TMEM63C: variants seen among roughly 807,000 people sequenced by gnomAD.
TMEM63C encodes osmosensitive cation channel TMEM63C.
TMEM63C carries 32 observed loss-of-function variants against 99.2 expected under a neutral mutation model. The ratio of observed to expected loss-of-function variants is 0.32; its 90% confidence interval spans 0.24 to 0.43. TMEM63C has a LOEUF of 0.43. Among genes scored for constraint, TMEM63C ranks in the 20% least tolerant of loss-of-function variants. The pLI is 1.00. For synonymous variants in TMEM63C, 376 were observed against 397.9 expected, an observed-to-expected ratio of 0.94 and a Z score of 0.66; for missense variants, 826 against 1,053.0, an observed-to-expected ratio of 0.78 and a Z score of 2.98.
At chr14:77,246,522 G>C in intron 17 of TMEM63C, 87 bp from the exon 18 acceptor site, 1 of 1,149,776 alleles carries the variant, frequency 8.7e-7, no homozygotes, top group Non-Finnish European at 1.3e-6. Flanking sequence ...GTCTTTCTTT[G>C]GAGATTGGGC....
At position 77,248,497 on chromosome 14, in the gene TMEM63C, C is replaced by T. The variant is rs751209982; in HGVS notation, c.1752C>T (p.Val584=). The change falls in exon 19 of 24, where the codon GTC becomes GTT. Residue 584 remains valine (V), a synonymous_variant. Coordinates refer to ENST00000298351, the MANE Select transcript of TMEM63C (RefSeq NM_020431.4). The part of the protein sequence containing the change: ...LFFSRSEPER[V]NIRKNQAIDF... ...TCTCTAGATCAGAGCCAGAGAGAGT[C>T]AACATCAGAAAGGTACAGACTGGCT... The T allele has an allele frequency of 6.3e-7, 1 of 1,586,310 alleles. No individual in the cohort carries two copies. The highest frequency in any genetic ancestry group is 8.6e-7 in the Non-Finnish European group (1 of 1,166,390).
In TMEM63C at chr14:77,256,824, T is replaced by A; in HGVS notation, c.*98T>A. The A allele has an allele frequency of 1.7e-6, 2 of 1,168,576 alleles. No individual in the cohort carries two copies. The highest frequency in any genetic ancestry group is 1.5e-5 in the African/African-American group (1 of 65,326). 72.4% of individuals were successfully genotyped at this position (1,168,576 alleles called of 1,614,324 possible). A position where few individuals can be genotyped will look rare whatever the true frequency, so the allele number is the denominator to read the frequency against. Reference sequence around the variant, plus strand: ...TGGCCTGGACCTCCCCACTACCTCCTGCAGACTTTGAGAAGCCCACAGTGG... The same window carrying A: ...TGGCCTGGACCTCCCCACTACCTCCAGCAGACTTTGAGAAGCCCACAGTGG... On this transcript the variant is annotated 3_prime_UTR_variant, in exon 24 of 24. Transcript: ENST00000298351.
chr14:77,228,086 C>T (rs147403049), intron 6 of TMEM63C, among the ~76,000 whole-genome samples: 13 of 151,900 alleles, frequency 8.6e-5, no homozygotes, highest in Admixed American at 6.6e-4. Context: ...GGATCCAGCA[C>T]GTCTTCAGAA....
chr14:77,233,985 C>T (rs531392159), intron 8 of TMEM63C, among the ~76,000 whole-genome samples: 1 of 152,278 alleles, frequency 6.6e-6, no homozygotes, highest in South Asian at 2.1e-4. Flanking sequence ...CACTGAGCTT[C>T]AGTCCTTATT....
chr14:77,229,102 CACA>C (rs1163834461), intron 6 of TMEM63C, among the ~76,000 whole-genome samples: 2 of 152,080 alleles, frequency 1.3e-5, no homozygotes, highest in African/African-American at 2.4e-5. Flanking sequence ...GTAAAATGAA[CACA>C]ACAAGAAAAT....
intron 1 of TMEM63C, among the ~76,000 whole-genome samples, chr14:77,193,584 C>A (rs1888145902): frequency 1.3e-5 from 2 of 152,116 alleles, no homozygotes. Context: ...CCTGTAATCC[C>A]AGCACTTTGG....
At chr14:77,249,268 A>T in intron 20 of TMEM63C, 23 bp from the exon 21 acceptor site, 1 of 1,611,842 alleles carries the variant, frequency 6.2e-7, no homozygotes, top group Non-Finnish European at 8.5e-7. Flanking sequence ...GCCACTGAGT[A>T]AGTTTCCACC....
At position 77,211,878 on chromosome 14, in the gene TMEM63C, A is replaced by G. The variant is rs1888502402; in HGVS notation, c.-76-1568A>G. 2.0e-5 allele frequency among the ~76,000 whole-genome samples: 3 copies of G among 152,334 alleles called. No homozygotes were observed. In the South Asian group the frequency reaches 6.2e-4, roughly 32 times the overall value. ...CCTGAAACCCTGACTCACCAACCAG[A>G]ATTCACATCATCTCCCACTGCCCCT... On this transcript the variant is annotated intron_variant, in intron 1 of 23. Transcript: ENST00000298351.
At position 77,253,375 on chromosome 14, in the gene TMEM63C, T is replaced by C. The variant is rs1889405563; in HGVS notation, c.2219T>C (p.Leu740Pro). 6.2e-7 allele frequency: 1 copy of C among 1,609,252 alleles called. No homozygotes were observed. Among genetic ancestry groups the C allele is most frequent in the Non-Finnish European group, 8.5e-7 (1 of 1,178,208 alleles). Reference sequence around the variant, plus strand: ...AGCACCTCCTCCACGCCCACCTCCCTCGTGAGTCCTGAGTCCCAGGGACAG... The same window carrying C: ...AGCACCTCCTCCACGCCCACCTCCCCCGTGAGTCCTGAGTCCCAGGGACAG... ...PSSTSSTPTS[L>P]LYVATVLQEP... The change falls in exon 23 of 24, where the codon CTC becomes CCC. Residue 740 changes from leucine (L) to proline (P), a missense_variant and splice_region_variant. Coordinates refer to ENST00000298351, the MANE Select transcript of TMEM63C (RefSeq NM_020431.4).
Position 77,211,178 on chromosome 14 carries a change from T to G in TMEM63C, c.-76-2268T>G, listed in dbSNP as rs561115731. ...AGTTTGAGCAAGGTCATCCCCTTCC[T>G]CTGCCCCCTGCTCAGCATGTCCAGA... On this transcript the variant is annotated intron_variant, in intron 1 of 23. Coordinates refer to ENST00000298351, the MANE Select transcript of TMEM63C (RefSeq NM_020431.4). Among the ~76,000 whole-genome samples the G allele has an allele frequency of 2.0e-5, 3 of 152,310 alleles. No homozygotes were observed. The South Asian group carries it at 6.2e-4, about 32-fold the overall frequency.
chr14:77,217,380 T>G (rs1888608337), intron 2 of TMEM63C, among the ~76,000 whole-genome samples: 1 of 152,194 alleles, frequency 6.6e-6, no homozygotes, highest in Non-Finnish European at 1.5e-5. Flanking sequence ...CCCTTTACAA[T>G]TCTAACCTCA....
rs1297058601 is a variant in TMEM63C, at chr14:77,231,526, C to T, written c.351-62C>T. ...ATTTTCTGCCCTTCCCTCTACCTCC[C>T]CGCAACAAGTGGTGGCCACGCTGGC... On this transcript the variant is annotated intron_variant, in intron 6 of 23. Coordinates refer to ENST00000298351, the MANE Select transcript of TMEM63C (RefSeq NM_020431.4). 6 of 1,542,110 alleles carry T rather than the reference C, an allele frequency of 3.9e-6. No homozygotes were observed. The Admixed American group carries it at 5.9e-5, about 15-fold the overall frequency.
At chr14:77,236,805 C>A in intron 9 of TMEM63C, 73 bp downstream of exon 9, 1 of 1,042,468 alleles carries the variant, frequency 9.6e-7, no homozygotes, top group Non-Finnish European at 1.5e-6. Context: ...CCACTTCCAA[C>A]CCTCAGAGAA....
intron 2 of TMEM63C, among the ~76,000 whole-genome samples, chr14:77,218,370 G>A (rs915083274): frequency 2.0e-5 from 3 of 152,274 alleles, no homozygotes; most frequent in African/African-American, 7.2e-5. Flanking sequence ...ATTGAGCCCC[G>A]TCTGCATGGG....
At chr14:77,215,842 A>G (rs1888575016) in intron 2 of TMEM63C, among the ~76,000 whole-genome samples, 1 of 151,984 alleles carries the variant, frequency 6.6e-6, no homozygotes, top group South Asian at 2.1e-4. Flanking sequence ...TACTTCTTCT[A>G]CTGAATCATT....
chr14:77,205,882 C>T (rs370745837), intron 1 of TMEM63C, among the ~76,000 whole-genome samples: 3 of 152,302 alleles, frequency 2.0e-5, no homozygotes, highest in African/African-American at 7.2e-5. Context: ...TGCTGTTCAG[C>T]TGCTAGCTGT....
chr14:77,242,276 G>A, intron 13 of TMEM63C, 71 bp from the exon 14 acceptor site: 1 of 1,561,348 alleles, frequency 6.4e-7, no homozygotes, highest in East Asian at 2.3e-5. Context: ...TGAGCTCCTG[G>A]CATGAGACCC....
intron 20 of TMEM63C, 91 bp downstream of exon 20, chr14:77,248,963 C>CATGG: frequency 8.0e-7 from 1 of 1,248,066 alleles, no homozygotes; most frequent in Non-Finnish European, 1.2e-6. Flanking sequence ...CCTCCTGGAG[C>CATGG]ATGGGGAGAC....
intron 1 of TMEM63C, among the ~76,000 whole-genome samples, chr14:77,185,131 C>A (rs1887975351): frequency 6.6e-6 from 1 of 152,202 alleles, no homozygotes; most frequent in Non-Finnish European, 1.5e-5. Context: ...GCTTAGAAAG[C>A]TAGGACTAGG....
Sources: gnomAD v4.1 joint callset for allele counts (sites outside exome capture counted in the v4.1 genomes callset) on GRCh38, gnomAD v4.1.1 for gene constraint, MANE v1.5 for transcripts, NCBI Gene and HGNC (gene_info 2026-07-23, HGNC 2026-07-21) for gene names.